FNBP4: variants seen among roughly 807,000 people sequenced by gnomAD.
The protein encoded by FNBP4 is formin-binding protein 4.
Under a neutral mutation model 119.3 loss-of-function variants are expected in FNBP4, and 34 were observed. The observed-to-expected ratio is 0.28, with a 90% CI of 0.22 to 0.38. The LOEUF (loss-of-function observed/expected upper bound fraction) is 0.38, where lower values mean the gene tolerates loss of function less well. Among genes scored for constraint, FNBP4 ranks in the 10% least tolerant of loss-of-function variants. The pLI is 1.00. For missense variants in FNBP4, 1,112 were observed against 1,228.9 expected (o/e 0.90, Z 1.42); for synonymous variants, 462 against 430.6 (o/e 1.07, Z -0.90).
At chr11:47,724,265 T>C (rs761108896) in intron 13 of FNBP4, 93 bp from the exon 14 acceptor site, 50 of 1,544,220 alleles carry the variant, frequency 3.2e-5, no homozygotes, top group Non-Finnish European at 4.3e-5. Flanking sequence ...TCTCATTCTG[T>C]TGCACAAGCT....
At chr11:47,762,922 A>AAAAG (rs1271970313) in intron 2 of FNBP4, among the ~76,000 whole-genome samples, 9 of 132,540 alleles carry the variant, frequency 6.8e-5, no homozygotes, top group Non-Finnish European at 9.5e-5. Context: ...AAAAAAAAAA[A>AAAAG]AAAAAGAGTC....
chr11:47,767,339 A>C lies in FNBP4; in HGVS notation c.-51T>G. ...CGTCGGGCGGCCGAGAGGGGCGGGCACTGGAGGCTGGGCGCTGGGCCCTGG... is the reference window on the plus strand; with the variant it reads ...CGTCGGGCGGCCGAGAGGGGCGGGCCCTGGAGGCTGGGCGCTGGGCCCTGG... On this transcript the variant is annotated 5_prime_UTR_variant, in exon 1 of 17. Transcript: ENST00000263773. 4.9e-6 allele frequency: 7 copies of C among 1,419,700 alleles called. No individual in the cohort carries two copies. Among genetic ancestry groups the C allele is most frequent in the Non-Finnish European group, 6.4e-6 (7 of 1,091,390 alleles). The allele number at this position is 1,419,700 out of a possible 1,614,324, so 87.9% of individuals were successfully genotyped here.
At chr11:47,718,906 T>G (rs1302665316) in intron 16 of FNBP4, among the ~76,000 whole-genome samples, 2 of 60,932 alleles carry the variant, frequency 3.3e-5, no homozygotes, top group Non-Finnish European at 5.5e-5. Context: ...ACCCAACATG[T>G]TTTTTTTTTT....
chr11:47,732,585 T>C lies in FNBP4; in HGVS notation c.1772A>G (p.Gln591Arg). Residue 591 changes from glutamine (Q) to arginine (R), a missense_variant, in exon 11 of 17, where the codon CAG becomes CGG. Gln to Arg is a conservative substitution (Grantham distance 43, BLOSUM62 1). This residue lies in a region of FNBP4 where 826 missense variants were observed against 988.8 expected (regional missense o/e 0.84). Coordinates refer to ENST00000263773, the MANE Select transcript of FNBP4 (RefSeq NM_015308.5). This position sits in a 1 kb window ranked among gnomAD's most constrained non-coding sequence, Gnocchi z 4.2. Reference protein sequence around the residue: ...KLQDAAEQLKQYEINATPKGW... With the variant: ...KLQDAAEQLKRYEINATPKGW... The stretch of plus-strand genomic sequence containing the variant: ...TTTAGGAGTGGCGTTTATTTCATAC[T>C]GTTTTAGTTGTTCTGCTGCATCCTG... The C allele has an allele frequency of 6.2e-7, 1 of 1,614,222 alleles. No individual in the cohort carries two copies.
intron 2 of FNBP4, among the ~76,000 whole-genome samples, chr11:47,756,584 G>A (rs2097618904): frequency 6.6e-6 from 1 of 152,040 alleles, no homozygotes; most frequent in Non-Finnish European, 1.5e-5. Flanking sequence ...TAAGGTACAT[G>A]TGCACAATGG....
intron 8 of FNBP4, among the ~76,000 whole-genome samples, chr11:47,741,809 C>T (rs559833799): frequency 2.4e-4 from 14 of 59,492 alleles, no homozygotes; most frequent in African/African-American, 9.6e-4. Context: ...AGTAAGACTC[C>T]GTCTCAAAAA....
intron 2 of FNBP4, among the ~76,000 whole-genome samples, chr11:47,759,483 A>C (rs1016012119): frequency 1.3e-5 from 2 of 151,756 alleles, no homozygotes; most frequent in Admixed American, 1.3e-4. Flanking sequence ...GAAAGTGCTG[A>C]GATTACAGGC....
In FNBP4 at chr11:47,743,979, C is replaced by T. The variant is rs368409419; in HGVS notation, c.1430G>A (p.Arg477Gln). 20 of 1,614,158 alleles carry T rather than the reference C, an allele frequency of 1.2e-5. No homozygotes were observed. Among genetic ancestry groups the T allele is most frequent in the Non-Finnish European group, 1.6e-5 (19 of 1,180,006 alleles). ...AGTTTCTCCATTTTCTGGAGTATCTCGTCCAGTTTTACTAGAACTCCTACT... is the reference window on the plus strand; with the variant it reads ...AGTTTCTCCATTTTCTGGAGTATCTTGTCCAGTTTTACTAGAACTCCTACT... ...STSRSSSKTG[R>Q]DTPENGETAI... The change falls in exon 8 of 17, where the codon CGA becomes CAA. Residue 477 changes from arginine (R) to glutamine (Q), a missense_variant. Arg to Gln is a conservative substitution (Grantham distance 43). Around this residue, in one of 2 missense-constraint regions of FNBP4, gnomAD observed 826 missense variants for 988.8 expected, o/e 0.84. Transcript: ENST00000263773.
intron 8 of FNBP4, among the ~76,000 whole-genome samples, chr11:47,738,246 C>T (rs939265651): frequency 3.3e-5 from 5 of 152,166 alleles, no homozygotes; most frequent in Admixed American, 3.3e-4. Context: ...CAAACTAATT[C>T]ACACAGTCTG....
At chr11:47,725,866 G>C in intron 12 of FNBP4, 1 of 839,298 alleles carries the variant, frequency 1.2e-6, no homozygotes, top group Non-Finnish European at 1.4e-6. Flanking sequence ...GAGTAGAAGA[G>C]ACATGAGAAA....
chr11:47,722,647 G>A, intron 15 of FNBP4, among the ~76,000 whole-genome samples: 1 of 151,982 alleles, frequency 6.6e-6, no homozygotes, highest in East Asian at 1.9e-4. Context: ...CTGGAGTGCA[G>A]TGCTGTGATC....
At position 47,752,981 on chromosome 11, in the gene FNBP4, G is replaced by A. The variant is rs752530939; in HGVS notation, c.572C>T (p.Ser191Leu). 6 of 1,614,006 alleles carry A rather than the reference G, an allele frequency of 3.7e-6. No individual in the cohort carries two copies. The South Asian group carries it at 4.4e-5, about 12-fold the overall frequency. ...TGTTTGGGTGGAGTCTGTTCCATTTGAAGTAGAAGAAGAAAGGGTAGATGT... is the reference window on the plus strand; with the variant it reads ...TGTTTGGGTGGAGTCTGTTCCATTTAAAGTAGAAGAAGAAAGGGTAGATGT... ...AATSTLSSST[S>L]NGTDSTQTSG... Residue 191 changes from serine to leucine, a missense_variant, in exon 4 of 17, where the codon TCA becomes TTA. By Grantham distance (145) the Ser-to-Leu change is moderately radical. Around this residue, in one of 2 missense-constraint regions of FNBP4, gnomAD observed 826 missense variants for 988.8 expected, o/e 0.84. Transcript: ENST00000263773.
intron 12 of FNBP4, chr11:47,726,035 C>G (rs2097560557): frequency 6.6e-6 from 1 of 152,076 alleles, no homozygotes; most frequent in South Asian, 2.1e-4. Flanking sequence ...GGTGAGATAC[C>G]AGGAATCCAA....
chr11:47,744,055 T>C lies in FNBP4; in HGVS notation c.1354A>G (p.Lys452Glu), dbSNP rs1053229481. 3 of 1,614,172 alleles carry C rather than the reference T, an allele frequency of 1.9e-6. No homozygotes were observed. The highest frequency in any genetic ancestry group is 1.7e-5 in the Admixed American group (1 of 59,998). The change falls in exon 8 of 17, where the codon AAA becomes GAA. Residue 452 changes from lysine to glutamate, a missense_variant. This residue lies in a region of FNBP4 where 826 missense variants were observed against 988.8 expected (regional missense o/e 0.84). Coordinates refer to ENST00000263773, the MANE Select transcript of FNBP4 (RefSeq NM_015308.5). Reference protein sequence around the residue: ...SQDGMRRLMSKRGKWKMFVRA... With the variant: ...SQDGMRRLMSERGKWKMFVRA... ...ACAAACATCTTCCATTTTCCTCTTT[T>C]AGACATAAGCCTACGCATTCCATCT...
chr11:47,748,778 T>G (rs1426460587), intron 6 of FNBP4, among the ~76,000 whole-genome samples: 1 of 151,986 alleles, frequency 6.6e-6, no homozygotes, highest in Admixed American at 6.6e-5. Context: ...GACCCCCAAG[T>G]AGCTGGGACT....
intron 8 of FNBP4, among the ~76,000 whole-genome samples, chr11:47,737,954 C>T (rs2097576503): frequency 6.6e-6 from 1 of 152,136 alleles, no homozygotes; most frequent in Non-Finnish European, 1.5e-5. Context: ...CCATGTTAAT[C>T]AGGCTAGTCT....
At chr11:47,739,068 C>T (rs1381575799) in intron 8 of FNBP4, among the ~76,000 whole-genome samples, 1 of 151,106 alleles carries the variant, frequency 6.6e-6, no homozygotes, top group Non-Finnish European at 1.5e-5. Flanking sequence ...ATGATCACAG[C>T]TTATTGCAGT....
At chr11:47,750,196 T>C (rs1034944795) in intron 6 of FNBP4, among the ~76,000 whole-genome samples, 1 of 151,296 alleles carries the variant, frequency 6.6e-6, no homozygotes, top group Admixed American at 6.6e-5. Context: ...CTGACCAACA[T>C]GGTGAAACCC....
At position 47,724,147 on chromosome 11, in the gene FNBP4, C is replaced by T. The variant is rs759720318; in HGVS notation, c.2345G>A (p.Ser782Asn). 1 of 1,614,158 alleles carries T rather than the reference C, an allele frequency of 6.2e-7. No homozygotes were observed. The highest frequency in any genetic ancestry group is 8.5e-7 in the Non-Finnish European group (1 of 1,180,014). ...SQSSVDSTIS[S>N]SSSTKGIKRK... ...CTTTATTCCTTTAGTGGAAGAAGAA[C>T]TAGAGATGGTGGAATCAACTGAACT... The change falls in exon 14 of 17, where the codon AGT (serine) becomes AAT (asparagine). Residue 782 changes from serine to asparagine, a missense_variant. Physicochemically the swap from Ser to Asn is conservative, Grantham distance 46 (BLOSUM62 1). Transcript: ENST00000263773.
Sources: allele counts gnomAD v4.1 joint callset (sites outside exome capture counted in the v4.1 genomes callset), GRCh38; gene constraint gnomAD v4.1.1; regional missense constraint gnomAD v4.1.1; non-coding constraint Gnocchi (gnomAD v3.1); transcripts MANE v1.5; gene names NCBI Gene and HGNC (gene_info 2026-07-23, HGNC 2026-07-21).